SAMD13: variants seen among roughly 807,000 people sequenced by gnomAD.
SAMD13 encodes the protein sterile alpha motif domain containing 13, also known as sterile alpha motif domain-containing protein 13.
A neutral mutation model predicts 12.4 loss-of-function variants in SAMD13; 9 were observed. The ratio of observed to expected loss-of-function variants is 0.72; its 90% CI spans 0.44 to 1.26. The LOEUF is 1.26. SAMD13 is among the 50% of genes most tolerant of loss of function. The pLI is 0.00. For synonymous variants in SAMD13, 46 were observed against 45.4 expected (o/e 1.01, Z -0.05); for missense variants, 84 against 119.6 (o/e 0.70, Z 1.39).
chr1:84,321,630 G>A (rs1334836586), intron 2 of SAMD13, among the ~76,000 whole-genome samples: 2 of 152,158 alleles, frequency 1.3e-5, no homozygotes, highest in East Asian at 1.9e-4. Context: ...GATGTGGCGA[G>A]AATGGACCAT....
intron 1 of SAMD13, chr1:84,302,706 C>T: frequency 5.1e-6 from 5 of 984,702 alleles, no homozygotes; most frequent in Non-Finnish European, 6.0e-6. Context: ...GGAATACTTG[C>T]TGACAAAAGC....
intron 3 of SAMD13, among the ~76,000 whole-genome samples, chr1:84,339,348 T>G (rs1024663791): frequency 6.6e-6 from 1 of 152,196 alleles, no homozygotes; most frequent in East Asian, 1.9e-4. Flanking sequence ...GAAATTGCTG[T>G]CCTTTGGATG....
chr1:84,330,299 T>C (rs1679151279), intron 3 of SAMD13, among the ~76,000 whole-genome samples: 1 of 152,206 alleles, frequency 6.6e-6, no homozygotes, highest in Non-Finnish European at 1.5e-5. Context: ...TCAAGAAGTA[T>C]GCTTTCAGTG....
chr1:84,301,487 G>A, upstream of SAMD13: 1 of 325,666 alleles, frequency 3.1e-6, no homozygotes, highest in Non-Finnish European at 4.4e-6. Flanking sequence ...TACAAGACAG[G>A]TGCAGGGAGA....
intron 3 of SAMD13, among the ~76,000 whole-genome samples, chr1:84,333,106 G>C (rs987630682): frequency 1.3e-5 from 2 of 152,054 alleles, no homozygotes; most frequent in African/African-American, 2.4e-5. Context: ...TGCTATTTTG[G>C]TTACTGTAGC....
At position 84,301,713 on chromosome 1, in the gene SAMD13, GC is replaced by G; in HGVS notation, c.-119del. Reference sequence around the variant, plus strand: ...TTGTACCTCCTTATTGAATTCCTTTGCCAGCCTACTTTGTGAAAGAAAACAT... The same window carrying G: ...TTGTACCTCCTTATTGAATTCCTTTGCAGCCTACTTTGTGAAAGAAAACAT... On this transcript the variant is annotated 5_prime_UTR_variant, in exon 1 of 4. Transcript: ENST00000394834. 1 of 985,322 alleles carries G rather than the reference GC, an allele frequency of 1.0e-6. No individual in the cohort carries two copies. The highest frequency in any genetic ancestry group is 1.2e-6 in the Non-Finnish European group (1 of 829,914). 61.0% of individuals were successfully genotyped at this position (985,322 alleles called of 1,614,324 possible).
chr1:84,347,637 T>C (rs1193681715), intron 3 of SAMD13, among the ~76,000 whole-genome samples: 1 of 152,182 alleles, frequency 6.6e-6, no homozygotes, highest in African/African-American at 2.4e-5. Flanking sequence ...CGAGGAAAGA[T>C]GGAGGGTAGG....
upstream of SAMD13, chr1:84,298,604 G>C (rs375613149): frequency 2.6e-4 from 339 of 1,280,124 alleles, 2 homozygotes; most frequent in Middle Eastern, 2.0e-4. Flanking sequence ...GCGTGGGAAG[G>C]CGCCCGCCCT....
chr1:84,311,270 A>C (rs1678703337), intron 2 of SAMD13, among the ~76,000 whole-genome samples: 1 of 149,414 alleles, frequency 6.7e-6, no homozygotes, highest in Non-Finnish European at 1.5e-5. Context: ...CAGGAGGCAG[A>C]GGTTACATTG....
At chr1:84,326,654 A>C (rs1178469793) in intron 3 of SAMD13, among the ~76,000 whole-genome samples, 1 of 152,190 alleles carries the variant, frequency 6.6e-6, no homozygotes, top group African/African-American at 2.4e-5. Context: ...CGAAGGCTGC[A>C]GTTTTCTAAG....
intron 3 of SAMD13, among the ~76,000 whole-genome samples, chr1:84,341,170 T>G (rs930797755): frequency 3.3e-5 from 5 of 152,200 alleles, no homozygotes; most frequent in African/African-American, 1.2e-4. Context: ...GTTGGTCATA[T>G]CTAACCAGTA....
intron 3 of SAMD13, among the ~76,000 whole-genome samples, chr1:84,327,642 A>C (rs1450694325): frequency 6.6e-6 from 1 of 152,108 alleles, no homozygotes; most frequent in Non-Finnish European, 1.5e-5. Context: ...ACACCTAAAC[A>C]GTGGTATAAA....
rs187848067 is a variant in SAMD13 at position 84,304,673 on chromosome 1, C to A, written c.53+1386C>A. The stretch of plus-strand genomic sequence containing the variant: ...AATCTCTCCCTCCTGTCCTTTTCTG[C>A]CCCCATATCCCCTGGCAACCACTGT... On this transcript the variant is annotated intron_variant, in intron 2 of 3. Transcript: ENST00000394834. 4.4e-3 allele frequency among the ~76,000 whole-genome samples: 668 copies of A among 152,028 alleles called. 1 individual carries two copies. Among genetic ancestry groups the A allele is most frequent in the African/African-American group, 0.015 (630 of 41,450 alleles).
intron 3 of SAMD13, 104 bp downstream of exon 3, chr1:84,325,852 G>A (rs1295149036): frequency 2.9e-6 from 2 of 695,516 alleles, no homozygotes; most frequent in Admixed American, 4.4e-5. Context: ...GGACCAAAGA[G>A]CAGGGAGGAA....
In SAMD13 at chr1:84,349,810, C is replaced by A. The variant is rs1373895655; in HGVS notation, c.*36C>A. 1 of 1,580,678 alleles carries A rather than the reference C, an allele frequency of 6.3e-7. No individual in the cohort carries two copies. The highest frequency in any genetic ancestry group is 1.8e-5 in the Admixed American group (1 of 54,084). ...TTGGGGTCTTCGACCTCAAAAAATA[C>A]ATAATGACATAATTTAGTTTCATGT... On this transcript the variant is annotated 3_prime_UTR_variant, in exon 4 of 4. Transcript: ENST00000394834.
chr1:84,321,963 T>C (rs758107485), intron 2 of SAMD13, among the ~76,000 whole-genome samples: 2 of 152,192 alleles, frequency 1.3e-5, no homozygotes, highest in African/African-American at 2.4e-5. Context: ...CGTGGAGACG[T>C]GCCTCTGCAA....
intron 2 of SAMD13, among the ~76,000 whole-genome samples, chr1:84,308,393 C>T (rs1678632105): frequency 6.6e-6 from 1 of 152,130 alleles, no homozygotes; most frequent in Admixed American, 6.6e-5. Flanking sequence ...TTCTCAGCAT[C>T]CCCACCTTCT....
chr1:84,330,769 T>C (rs946154400), intron 3 of SAMD13, among the ~76,000 whole-genome samples: 1 of 152,200 alleles, frequency 6.6e-6, no homozygotes, highest in African/African-American at 2.4e-5. Flanking sequence ...AAGAAGAAGA[T>C]GGAAGACAGA....
intron 3 of SAMD13, among the ~76,000 whole-genome samples, chr1:84,337,769 G>C (rs908905140): frequency 1.3e-5 from 2 of 152,036 alleles, no homozygotes; most frequent in African/African-American, 4.8e-5. Flanking sequence ...ACATTGTCAG[G>C]GTGCAAATTT....
Sources: gnomAD v4.1 joint callset for allele counts (sites outside exome capture counted in the v4.1 genomes callset) on GRCh38, gnomAD v4.1.1 for gene constraint, MANE v1.5 for transcripts, NCBI Gene and HGNC (gene_info 2026-07-23, HGNC 2026-07-21) for gene names.